The following TSEN2 variants were observed in gnomAD, a reference collection of about 807,000 sequenced individuals.
The protein encoded by TSEN2 is tRNA splicing endonuclease subunit 2.
In TSEN2, 54 loss-of-function variants were observed where a neutral mutation model predicts 59.2. That is an observed-to-expected ratio of 0.91 (90% CI 0.73 to 1.14). The LOEUF (loss-of-function observed/expected upper bound fraction) is 1.14, where lower values mean the gene tolerates loss of function less well. Ranked by LOEUF, TSEN2 falls within the 50% of genes most tolerant of loss-of-function variation. The probability of loss-of-function intolerance (pLI) is 0.00; values close to 1 mark genes in which losing one functional copy is unlikely to be tolerated. For missense variants in TSEN2, 636 were observed against 576.2 expected, an observed-to-expected ratio of 1.10 and a Z score of -1.06; for synonymous variants, 195 against 198.2, an observed-to-expected ratio of 0.98 and a Z score of 0.14.
downstream of TSEN2, among the ~76,000 whole-genome samples, chr3:12,534,073 C>G (rs112483618): frequency 1.3e-5 from 2 of 152,014 alleles, no homozygotes; most frequent in Non-Finnish European, 2.9e-5. Flanking sequence ...GCTGAAATGG[C>G]GCTATCCTAA....
At chr3:12,488,959 T>C (rs1414556217) in intron 1 of TSEN2, among the ~76,000 whole-genome samples, 1 of 152,262 alleles carries the variant, frequency 6.6e-6, no homozygotes, top group Non-Finnish European at 1.5e-5. Flanking sequence ...CTGCTCACCC[T>C]GTAATACTAA....
At chr3:12,507,899 T>A (rs1294127734) in intron 6 of TSEN2, among the ~76,000 whole-genome samples, 2 of 152,222 alleles carry the variant, frequency 1.3e-5, no homozygotes, top group African/African-American at 4.8e-5. Flanking sequence ...GCAGTCATGA[T>A]AGCTGAGGAT....
At position 12,503,420 on chromosome 3, in the gene TSEN2, G is replaced by T; in HGVS notation, c.467G>T (p.Gly156Val). ...EAQVHDKLNS[G>V]MVSNMEGTAG... ...CAAGTGCATGACAAGCTTAACTCTG[G>T]AATGGTTTCCAACATGGAAGGCACA... Residue 156 changes from glycine to valine, a missense_variant, in exon 5 of 12, where the codon GGA becomes GTA. Coordinates refer to ENST00000284995, the MANE Select transcript of TSEN2 (RefSeq NM_025265.4). The T allele has an allele frequency of 6.2e-7, 1 of 1,614,162 alleles. No homozygotes were observed. The highest frequency in any genetic ancestry group is 1.7e-5 in the Admixed American group (1 of 60,012).
chr3:12,533,799 A>G (rs1196233050), downstream of TSEN2: 1 of 152,114 alleles, frequency 6.6e-6, no homozygotes. Flanking sequence ...CACTACTTGA[A>G]TGATATTGCT....
intron 2 of TSEN2, 115 bp downstream of exon 2, chr3:12,490,104 T>C: frequency 6.7e-6 from 7 of 1,048,358 alleles, no homozygotes; most frequent in Non-Finnish European, 1.0e-5. Flanking sequence ...GTGTATTCTT[T>C]CCTTGCGGTT....
At chr3:12,505,286 C>A in intron 6 of TSEN2, 55 bp downstream of exon 6, 2 of 1,071,030 alleles carry the variant, frequency 1.9e-6, no homozygotes, top group Non-Finnish European at 2.9e-6. Flanking sequence ...CTGAACTACA[C>A]TATATGTGAA....
chr3:12,524,804 G>A (rs755565849), intron 8 of TSEN2, among the ~76,000 whole-genome samples: 35 of 149,344 alleles, frequency 2.3e-4, no homozygotes, highest in East Asian at 3.9e-4. Context: ...GTGCAGTGGC[G>A]CGATCTCAGC....
At chr3:12,524,726 A>G (rs1011712387) in intron 8 of TSEN2, among the ~76,000 whole-genome samples, 1 of 147,276 alleles carries the variant, frequency 6.8e-6, no homozygotes, top group African/African-American at 2.5e-5. Context: ...ACCTACTGCA[A>G]TCTCTTTGGT....
chr3:12,480,705 A>AT (rs749322878), upstream of TSEN2, among the ~76,000 whole-genome samples: 10 of 149,368 alleles, frequency 6.7e-5, no homozygotes, highest in South Asian at 1.5e-3. Context: ...ATTTTTATAT[A>AT]TTTTTTTTAG....
rs2057567573 is a variant in TSEN2, at chr3:12,533,156, C to T, written c.*435C>T. On this transcript the variant is annotated 3_prime_UTR_variant, in exon 12 of 12. Coordinates refer to ENST00000284995, the MANE Select transcript of TSEN2 (RefSeq NM_025265.4). ...TTGTTACCTACATCTAAGCTGTTCC[C>T]GAAAGAGTGTTACAGAACACAACAG... The T allele has an allele frequency of 8.4e-6, 2 of 239,146 alleles. No individual in the cohort carries two copies. The highest frequency in any genetic ancestry group is 6.5e-5 in the South Asian group (1 of 15,374). 14.8% of individuals were successfully genotyped at this position (239,146 alleles called of 1,614,324 possible). A position where few individuals can be genotyped will look rare whatever the true frequency, so the allele number is the denominator to read the frequency against.
chr3:12,482,815 G>A (rs1213304247), upstream of TSEN2, among the ~76,000 whole-genome samples: 2 of 152,122 alleles, frequency 1.3e-5, no homozygotes, highest in African/African-American at 4.8e-5. Flanking sequence ...TCTAAAACCA[G>A]TATTTCTTAA....
At chr3:12,497,049 C>G (rs1321622591) in intron 4 of TSEN2, among the ~76,000 whole-genome samples, 2 of 152,210 alleles carry the variant, frequency 1.3e-5, no homozygotes, top group African/African-American at 4.8e-5. Flanking sequence ...CTGCTCATGC[C>G]TGACCTCTCC....
chr3:12,494,423 T>C (rs1343149261), intron 3 of TSEN2, among the ~76,000 whole-genome samples: 2 of 152,202 alleles, frequency 1.3e-5, no homozygotes, highest in African/African-American at 2.4e-5. Flanking sequence ...TCTCACTCAC[T>C]CTGTCATCCA....
Position 12,533,053 on chromosome 3 carries a change from T to G in TSEN2, c.*332T>G, listed in dbSNP as rs983121380. 2 of 410,426 alleles carry G rather than the reference T, an allele frequency of 4.9e-6. No individual in the cohort carries two copies. The highest frequency in any genetic ancestry group is 9.0e-6 in the Non-Finnish European group (2 of 222,424). The allele number at this position is 410,426 out of a possible 1,614,324, so 25.4% of individuals were successfully genotyped here. Reference sequence around the variant, plus strand: ...CACTTCCAACAAGAGACATTTATTCTCTGATTTTACCTGAAAATGGTAGTA... The same window carrying G: ...CACTTCCAACAAGAGACATTTATTCGCTGATTTTACCTGAAAATGGTAGTA... On this transcript the variant is annotated 3_prime_UTR_variant, in exon 12 of 12. Transcript: ENST00000284995.
intron 8 of TSEN2, among the ~76,000 whole-genome samples, chr3:12,523,153 G>C (rs1383954768): frequency 6.6e-6 from 1 of 152,160 alleles, no homozygotes; most frequent in East Asian, 1.9e-4. Context: ...TGCCTGCCAA[G>C]AAGCCGAAAA....
At chr3:12,527,998 G>T (rs904887101) in intron 8 of TSEN2, among the ~76,000 whole-genome samples, 1 of 152,146 alleles carries the variant, frequency 6.6e-6, no homozygotes, top group Non-Finnish European at 1.5e-5. Flanking sequence ...AGTAGCTCTC[G>T]ACCTCCACAG....
At chr3:12,531,535 G>C in intron 10 of TSEN2, 35 bp from the exon 11 acceptor site, 1 of 1,423,956 alleles carries the variant, frequency 7.0e-7, no homozygotes, top group Non-Finnish European at 9.9e-7. Flanking sequence ...CTATTATTTT[G>C]TAGGATACAG....
intron 8 of TSEN2, among the ~76,000 whole-genome samples, chr3:12,522,368 C>T (rs949270056): frequency 6.6e-6 from 1 of 152,118 alleles, no homozygotes; most frequent in African/African-American, 2.4e-5. Context: ...AACAGATGTA[C>T]AATTAATACA....
At chr3:12,486,531 C>A (rs184396030) in intron 1 of TSEN2, among the ~76,000 whole-genome samples, 47 of 152,250 alleles carry the variant, frequency 3.1e-4, no homozygotes, top group African/African-American at 1.1e-3. Flanking sequence ...GTCTTTACTT[C>A]TGAATTTTTT....
Sources: allele counts gnomAD v4.1 joint callset (sites outside exome capture counted in the v4.1 genomes callset), GRCh38; gene constraint gnomAD v4.1.1; transcripts MANE v1.5; gene names NCBI Gene and HGNC (gene_info 2026-07-23, HGNC 2026-07-21).